The following PCDHA13 variants were observed in gnomAD, a reference collection of about 807,000 sequenced individuals.
The protein encoded by PCDHA13 is protocadherin alpha-13.
A neutral mutation model predicts 64.8 loss-of-function variants in PCDHA13; 54 were observed. That is an observed-to-expected ratio of 0.83 (90% CI 0.67 to 1.04). The LOEUF is 1.04. Ranked by LOEUF, PCDHA13 falls within the 50% of genes least tolerant of loss-of-function variation. The pLI is 0.00. For synonymous variants in PCDHA13, 587 were observed against 564.4 expected, an observed-to-expected ratio of 1.04 and a Z score of -0.57; for missense variants, 1,248 against 1,254.3, an observed-to-expected ratio of 0.99 and a Z score of 0.08.
intron 1 of PCDHA13, among the ~76,000 whole-genome samples, chr5:140,956,900 A>C (rs1004581720): frequency 6.6e-6 from 1 of 152,240 alleles, no homozygotes; most frequent in East Asian, 1.9e-4. Context: ...GAATATTCTT[A>C]AATGTATAAA....
intron 3 of PCDHA13, among the ~76,000 whole-genome samples, chr5:140,994,850 CAT>C (rs10584145): frequency 0.01 from 1,553 of 152,082 alleles, 27 homozygotes; most frequent in African/African-American, 0.036. Flanking sequence ...AAGATGAGTG[CAT>C]TTGATGGATG....
intron 1 of PCDHA13, among the ~76,000 whole-genome samples, chr5:140,905,695 C>T (rs1350689939): frequency 6.6e-6 from 1 of 152,134 alleles, no homozygotes; most frequent in African/African-American, 2.4e-5. Context: ...TTGTTTGTGT[C>T]ATTTATGATT....
intron 1 of PCDHA13, among the ~76,000 whole-genome samples, chr5:140,897,778 TG>T (rs1385536315): frequency 6.6e-6 from 1 of 152,208 alleles, no homozygotes; most frequent in Non-Finnish European, 1.5e-5. Flanking sequence ...ACTTCCACAA[TG>T]GTTGAACTAG....
chr5:140,895,822 T>A (rs1353175200), intron 1 of PCDHA13, among the ~76,000 whole-genome samples: 1 of 152,084 alleles, frequency 6.6e-6, no homozygotes, highest in Non-Finnish European at 1.5e-5. Context: ...TTGTATTGTA[T>A]TTTTTTCAGA....
chr5:140,895,225 G>A (rs1472993401), intron 1 of PCDHA13, among the ~76,000 whole-genome samples: 1 of 152,050 alleles, frequency 6.6e-6, no homozygotes, highest in African/African-American at 2.4e-5. Flanking sequence ...ATTTTACTGA[G>A]TTTTCTCATC....
Position 140,979,003 on chromosome 5 carries a change from C to G in PCDHA13, c.2449C>G (p.His817Asp). ...RYSASLRAGM[H>D]SSVHLEEAGI... Reference sequence around the variant, plus strand: ...CTCTGCCTCCCTGAGAGCAGGCATGCACAGGTATGTATTTCCCTCCTCATT... The same window carrying G: ...CTCTGCCTCCCTGAGAGCAGGCATGGACAGGTATGTATTTCCCTCCTCATT... The change falls in exon 2 of 4, where the codon CAC becomes GAC. Residue 817 changes from histidine (H) to aspartate (D), a missense_variant. By Grantham distance (81) the His-to-Asp change is moderately conservative. Transcript: ENST00000289272. 1.2e-6 allele frequency: 2 copies of G among 1,614,144 alleles called. No homozygotes were observed. The highest frequency in any genetic ancestry group is 1.7e-6 in the Non-Finnish European group (2 of 1,180,022).
chr5:140,887,391 C>T lies in PCDHA13; in HGVS notation c.2394+2729C>T, dbSNP rs181873563. ...GATTACAGGTGTGAGCCACCGCGCC[C>T]GGCTCTTTATCTCATTTTTATTTTT... On this transcript the variant is annotated intron_variant, in intron 1 of 3. Coordinates refer to ENST00000289272, the MANE Select transcript of PCDHA13 (RefSeq NM_018904.3). Among the ~76,000 whole-genome samples, 23 of 152,222 alleles carry T rather than the reference C, an allele frequency of 1.5e-4. 1 individual carries two copies. Among genetic ancestry groups the T allele is most frequent in the African/African-American group, 4.8e-4 (20 of 41,540 alleles).
intron 3 of PCDHA13, among the ~76,000 whole-genome samples, chr5:141,007,748 T>C (rs188910603): frequency 1.3e-3 from 195 of 152,298 alleles, no homozygotes; most frequent in African/African-American, 4.4e-3. Context: ...GAAGATAACT[T>C]TGGACTCTTA....
intron 1 of PCDHA13, among the ~76,000 whole-genome samples, chr5:140,958,973 ATTAG>A (rs2095457294): frequency 1.3e-5 from 2 of 152,038 alleles, no homozygotes; most frequent in African/African-American, 2.4e-5. Flanking sequence ...CTATTTTATT[ATTAG>A]TTATTGTTGC....
chr5:140,893,929 T>C (rs2064240374), intron 1 of PCDHA13, among the ~76,000 whole-genome samples: 1 of 152,214 alleles, frequency 6.6e-6, no homozygotes, highest in South Asian at 2.1e-4. Flanking sequence ...TCAGAATCTC[T>C]ACCTGTTAAT....
chr5:140,999,764 T>G (rs1587850651), intron 3 of PCDHA13, among the ~76,000 whole-genome samples: 1 of 152,284 alleles, frequency 6.6e-6, no homozygotes, highest in East Asian at 1.9e-4. Flanking sequence ...CATGATGTCT[T>G]TATACTCTTA....
intron 3 of PCDHA13, among the ~76,000 whole-genome samples, chr5:140,999,199 A>G (rs1354176825): frequency 2.0e-5 from 3 of 152,228 alleles, no homozygotes; most frequent in Non-Finnish European, 4.4e-5. Context: ...CTTGGAAAAG[A>G]GAATTTCTGG....
At chr5:141,000,414 TATATATA>T (rs1167743190) in intron 3 of PCDHA13, among the ~76,000 whole-genome samples, 31 of 99,528 alleles carry the variant, frequency 3.1e-4, no homozygotes, top group African/African-American at 9.8e-4. Context: ...TATATATATA[TATATATA>T]TTTTTTTTTT....
rs1035826331 is a variant in PCDHA13 at position 140,884,579 on chromosome 5, G to A, written c.2311G>A (p.Ala771Thr). 3.1e-6 allele frequency: 5 copies of A among 1,614,058 alleles called. No homozygotes were observed. Among genetic ancestry groups the A allele is most frequent in the Admixed American group, 1.7e-5 (1 of 59,974 alleles). Residue 771 changes from alanine to threonine, a missense_variant, in exon 1 of 4, where the codon GCC becomes ACC. Ala to Thr is a moderately conservative substitution (Grantham distance 58). Coordinates refer to ENST00000289272, the MANE Select transcript of PCDHA13 (RefSeq NM_018904.3). ...GGGCCCGCATAAGACGGACCTCATG[G>A]CCTTCAGTCCCAGCCTTCCTCCTTG... ...GEGPHKTDLMAFSPSLPPCLG... is the reference protein window; with the variant it reads ...GEGPHKTDLMTFSPSLPPCLG...
chr5:140,976,550 CATAA>C (rs782672542), intron 1 of PCDHA13, among the ~76,000 whole-genome samples: 4 of 151,944 alleles, frequency 2.6e-5, no homozygotes, highest in South Asian at 2.1e-4. Flanking sequence ...GACCCTATCT[CATAA>C]ATAAATAAAT....
chr5:140,939,182 C>T (rs2092333864), intron 1 of PCDHA13, among the ~76,000 whole-genome samples: 1 of 152,146 alleles, frequency 6.6e-6, no homozygotes, highest in African/African-American at 2.4e-5. Context: ...GGCCCACTCC[C>T]TGGTTCATAA....
chr5:140,947,586 A>G (rs958279437), intron 1 of PCDHA13, among the ~76,000 whole-genome samples: 1 of 151,670 alleles, frequency 6.6e-6, no homozygotes, highest in Non-Finnish European at 1.5e-5. Context: ...TAACATTTAG[A>G]TCAATTTAGG....
At position 140,924,416 on chromosome 5, in the gene PCDHA13, T is replaced by A. The variant is rs1283567998; in HGVS notation, c.2394+39754T>A. 1.3e-5 allele frequency among the ~76,000 whole-genome samples: 2 copies of A among 152,192 alleles called. 1 individual carries two copies. The highest frequency in any genetic ancestry group is 4.1e-4 in the South Asian group (2 of 4,830). ...TATTGCCTTATATCACAGTGTGCCC[T>A]TTCTAGTTCCCTAGAAGAGATAACG... is the stretch of plus-strand genomic sequence containing the variant. On this transcript the variant is annotated intron_variant, in intron 1 of 3. Coordinates refer to ENST00000289272, the MANE Select transcript of PCDHA13 (RefSeq NM_018904.3).
chr5:140,908,490 G>T (rs149646315), intron 1 of PCDHA13, among the ~76,000 whole-genome samples: 3,582 of 152,250 alleles, frequency 0.024, 49 homozygotes, highest in Middle Eastern at 0.034. Flanking sequence ...GGCAGTTCAG[G>T]TTGCTTGGTG....
Sources: gnomAD v4.1 joint callset for allele counts (sites outside exome capture counted in the v4.1 genomes callset) on GRCh38, gnomAD v4.1.1 for gene constraint, MANE v1.5 for transcripts, NCBI Gene and HGNC (gene_info 2026-07-23, HGNC 2026-07-21) for gene names.